Variants in ACSL5 observed in about 807,000 individuals in gnomAD.
ACSL5 encodes long-chain-fatty-acid--CoA ligase 5.
A neutral mutation model predicts 84.9 loss-of-function variants in ACSL5; 50 were observed. The ratio of observed to expected loss-of-function variants is 0.59; its 90% CI spans 0.47 to 0.75. The LOEUF (loss-of-function observed/expected upper bound fraction) is 0.75, where lower values mean the gene tolerates loss of function less well. Ranked by LOEUF, ACSL5 falls within the 30% of genes least tolerant of loss-of-function variation. The probability of loss-of-function intolerance (pLI) is 0.00; values close to 1 mark genes in which losing one functional copy is unlikely to be tolerated. For missense variants in ACSL5, 775 were observed against 830.4 expected (o/e 0.93, Z 0.82); for synonymous variants, 280 against 300.7 (o/e 0.93, Z 0.71).
At chr10:112,386,018 A>G (rs1328487610) in intron 1 of ACSL5, among the ~76,000 whole-genome samples, 2 of 152,042 alleles carry the variant, frequency 1.3e-5, no homozygotes, top group African/African-American at 4.8e-5. Context: ...TTCTCTCTGA[A>G]TGGCTAGCCA....
At chr10:112,414,378 C>CA (rs1844267239) in intron 12 of ACSL5, among the ~76,000 whole-genome samples, 1 of 107,204 alleles carries the variant, frequency 9.3e-6, no homozygotes, top group South Asian at 3.1e-4. Flanking sequence ...TTTTTTGAGA[C>CA]AGAGTCCCAC....
At chr10:112,403,044 G>A (rs146843969) in intron 3 of ACSL5, among the ~76,000 whole-genome samples, 62 of 152,354 alleles carry the variant, frequency 4.1e-4, no homozygotes, top group African/African-American at 1.5e-3. Flanking sequence ...AATGCAAGAT[G>A]TAAATTGGAA....
chr10:112,422,495 A>G, intron 17 of ACSL5, 54 bp downstream of exon 17: 3 of 1,519,408 alleles, frequency 2.0e-6, no homozygotes, highest in Non-Finnish European at 2.7e-6. Context: ...TGAGAAGAAC[A>G]ATCTGCTTAT....
rs1300952415 is a variant in ACSL5 at position 112,422,002 on chromosome 10, C to A, written c.1443C>A (p.Asp481Glu). 2 of 1,614,210 alleles carry A rather than the reference C, an allele frequency of 1.2e-6. No homozygotes were observed. The highest frequency in any genetic ancestry group is 2.2e-5 in the South Asian group (2 of 91,090). Residue 481 changes from aspartate to glutamate, a missense_variant, in exon 16 of 21, where the codon GAC (aspartate) becomes GAA (glutamate). Transcript: ENST00000354655. Reference sequence around the variant, plus strand: ...ACGTGAAGCTGGAAGATGTGGCTGACATGAACTACTTTACAGTGAATAATG... The same window carrying A: ...ACGTGAAGCTGGAAGATGTGGCTGAAATGAACTACTTTACAGTGAATAATG... ...CNYVKLEDVA[D>E]MNYFTVNNEG...
intron 14 of ACSL5, among the ~76,000 whole-genome samples, chr10:112,418,361 C>T (rs1000548058): frequency 6.6e-6 from 1 of 152,060 alleles, no homozygotes. Context: ...ACGGGCGGAT[C>T]ACGAGGTCAG....
In ACSL5 at chr10:112,408,419, C is replaced by A; in HGVS notation, c.433-3C>A. 1 of 1,599,128 alleles carries A rather than the reference C, an allele frequency of 6.3e-7. No homozygotes were observed. The highest frequency in any genetic ancestry group is 8.6e-7 in the Non-Finnish European group (1 of 1,166,570). On this transcript the variant is annotated splice_polypyrimidine_tract_variant and splice_region_variant and intron_variant, in intron 5 of 20. Transcript: ENST00000354655. ...GTCCTTACTTGAACTTCTCTCTGTA[C>A]AGTGGATCATCTCCGAATTGGCTTG...
chr10:112,381,444 G>C (rs1849345982), intron 1 of ACSL5, among the ~76,000 whole-genome samples: 1 of 152,128 alleles, frequency 6.6e-6, no homozygotes, highest in Admixed American at 6.5e-5. Flanking sequence ...AAGGCAGGTA[G>C]ATCACTTGAA....
At chr10:112,380,128 G>A (rs780042250) in intron 1 of ACSL5, among the ~76,000 whole-genome samples, 1 of 152,174 alleles carries the variant, frequency 6.6e-6, no homozygotes, top group Non-Finnish European at 1.5e-5. Flanking sequence ...CCGGGGTCGG[G>A]ATTTGGACTG....
intron 1 of ACSL5, among the ~76,000 whole-genome samples, chr10:112,374,967 G>A (rs1249730871): frequency 6.6e-6 from 1 of 152,088 alleles, no homozygotes; most frequent in Non-Finnish European, 1.5e-5. Flanking sequence ...CATGTGCACA[G>A]AGGATTGATA....
intron 19 of ACSL5, 158 bp from the exon 20 acceptor site, chr10:112,426,630 G>GT: frequency 1.5e-6 from 1 of 673,642 alleles, no homozygotes; most frequent in Non-Finnish European, 2.6e-6. Flanking sequence ...TTTCTTCTCA[G>GT]TTTTTCTTTC....
chr10:112,422,311 TGTCTGCTGTG>T lies in ACSL5; in HGVS notation c.1477-13_1477-4del, dbSNP rs769096138. On this transcript the variant is annotated splice_region_variant and splice_polypyrimidine_tract_variant and intron_variant, in intron 16 of 20. Coordinates refer to ENST00000354655, the MANE Select transcript of ACSL5 (RefSeq NM_203379.2). ...CCTTTGCTATTGTCACCGCCTTGTA[TGTCTGCTGTG>T]CAGGTCTGCATCAAGGGTACAAACG... The T allele has an allele frequency of 2.0e-4, 315 of 1,607,116 alleles. 1 individual carries two copies. Among genetic ancestry groups the T allele is most frequent in the Middle Eastern group, 5.2e-4 (3 of 5,772 alleles).
At chr10:112,387,662 A>G (rs969944718) in intron 1 of ACSL5, among the ~76,000 whole-genome samples, 2 of 152,240 alleles carry the variant, frequency 1.3e-5, no homozygotes, top group African/African-American at 4.8e-5. Flanking sequence ...CTTTTGACAT[A>G]GTCTCTAGGA....
chr10:112,376,256 G>A (rs538435817), intron 1 of ACSL5: 1 of 1,609,244 alleles, frequency 6.2e-7, no homozygotes, highest in Non-Finnish European at 8.5e-7. Context: ...CCTGACTCGG[G>A]ACAGCTCAGA....
At chr10:112,395,796 G>A (rs1208962777) in intron 2 of ACSL5, 4 of 152,122 alleles carry the variant, frequency 2.6e-5, no homozygotes, top group African/African-American at 4.8e-5. Flanking sequence ...AGAGAAAAAA[G>A]CATTCCTGTT....
rs369570488 is a variant in ACSL5, at chr10:112,411,991, G to C, written c.948+12G>C. ...AGAGGATTGTACAGGTGAGTGTTCT[G>C]TGTTCCTAGCAGTATGTGGCAAGGG... On this transcript the variant is annotated intron_variant, in intron 11 of 20. Coordinates refer to ENST00000354655, the MANE Select transcript of ACSL5 (RefSeq NM_203379.2). 13 of 1,606,172 alleles carry C rather than the reference G, an allele frequency of 8.1e-6. No individual in the cohort carries two copies. Among genetic ancestry groups the C allele is most frequent in the African/African-American group, 6.7e-5 (5 of 74,858 alleles).
intron 1 of ACSL5, among the ~76,000 whole-genome samples, chr10:112,384,492 T>TTTTTG (rs959205137): frequency 1.3e-5 from 2 of 152,068 alleles, no homozygotes; most frequent in South Asian, 2.1e-4. Flanking sequence ...TTTTCTTGTT[T>TTTTTG]TTTTGTTTTG....
chr10:112,421,705 G>A (rs747603140), intron 15 of ACSL5, 40 bp downstream of exon 15: 7 of 1,573,832 alleles, frequency 4.4e-6, no homozygotes, highest in Non-Finnish European at 6.1e-6. Flanking sequence ...GCCATGGTTG[G>A]GAGAAAGGTT....
At chr10:112,388,369 C>T (rs111416549) in intron 1 of ACSL5, among the ~76,000 whole-genome samples, 9 of 152,276 alleles carry the variant, frequency 5.9e-5, no homozygotes, top group African/African-American at 2.2e-4. Context: ...GAAATACACC[C>T]CTGTCACCAG....
rs544997994 is a variant in ACSL5, at chr10:112,396,838, T to C, written c.156+1736T>C. Reference sequence around the variant, plus strand: ...CTTAAACAGACAGCAAGACCCTGTCTTCCTTCACTAGACAAGGAACTTTAT... The same window carrying C: ...CTTAAACAGACAGCAAGACCCTGTCCTCCTTCACTAGACAAGGAACTTTAT... On this transcript the variant is annotated intron_variant, in intron 2 of 20. Transcript: ENST00000354655. Among the ~76,000 whole-genome samples, 3 of 152,360 alleles carry C rather than the reference T, an allele frequency of 2.0e-5. No individual in the cohort carries two copies. The South Asian group carries it at 6.2e-4, about 32-fold the overall frequency.
Sources: allele counts gnomAD v4.1 joint callset (sites outside exome capture counted in the v4.1 genomes callset), GRCh38; gene constraint gnomAD v4.1.1; transcripts MANE v1.5; gene names NCBI Gene and HGNC (gene_info 2026-07-23, HGNC 2026-07-21).